Variants in SRP68 observed in about 807,000 individuals in gnomAD.
SRP68 encodes signal recognition particle 68.
In SRP68, 15 loss-of-function variants were observed where a neutral mutation model predicts 82.2. That is an observed-to-expected ratio of 0.18 (90% CI 0.12 to 0.28). The LOEUF (loss-of-function observed/expected upper bound fraction) is 0.28, where lower values mean the gene tolerates loss of function less well. Among genes scored for constraint, SRP68 ranks in the 10% least tolerant of loss-of-function variants. The probability of loss-of-function intolerance (pLI) is 1.00; values close to 1 mark genes in which losing one functional copy is unlikely to be tolerated. For missense variants in SRP68, 595 were observed against 780.5 expected, an observed-to-expected ratio of 0.76 and a Z score of 2.83; for synonymous variants, 261 against 292.6, an observed-to-expected ratio of 0.89 and a Z score of 1.10.
chr17:76,039,983 T>C lies in SRP68; in HGVS notation c.1657-50A>G, dbSNP rs746610531. 9 of 1,570,526 alleles carry C rather than the reference T, an allele frequency of 5.7e-6. No homozygotes were observed. In the South Asian group the frequency reaches 9.1e-5, roughly 16 times the overall value. On this transcript the variant is annotated intron_variant, in intron 15 of 15. Transcript: ENST00000307877. Reference sequence around the variant, plus strand: ...ATGTAGCATCGGTCACAGAACACCCTTGGTGAACATTCCTGAGTGCCGACT... The same window carrying C: ...ATGTAGCATCGGTCACAGAACACCCCTGGTGAACATTCCTGAGTGCCGACT...
At chr17:76,042,741 C>A (rs1176332693) in intron 13 of SRP68, among the ~76,000 whole-genome samples, 1 of 151,324 alleles carries the variant, frequency 6.6e-6, no homozygotes, top group Non-Finnish European at 1.5e-5. Context: ...TGCACCACCA[C>A]ACCTGGCTAT....
chr17:76,053,647 G>A, intron 8 of SRP68: 3 of 985,342 alleles, frequency 3.0e-6, no homozygotes, highest in Non-Finnish European at 3.6e-6. Context: ...AAGCAATGAA[G>A]GAAAAAGTCG....
intron 5 of SRP68, 44 bp downstream of exon 5, chr17:76,061,448 T>C (rs1169824233): frequency 3.3e-6 from 5 of 1,533,462 alleles, no homozygotes; most frequent in East Asian, 4.5e-5. Context: ...AATTTGACAA[T>C]CTGTAATTAA....
intron 14 of SRP68, 133 bp downstream of exon 14, chr17:76,040,770 T>G: frequency 3.5e-6 from 3 of 868,418 alleles, no homozygotes; most frequent in Non-Finnish European, 5.5e-6. Context: ...CTGGCACAAG[T>G]AAAGGCCAGG....
chr17:76,047,768 G>A (rs2066641994), intron 10 of SRP68, 138 bp downstream of exon 10: 2 of 310,644 alleles, frequency 6.4e-6, no homozygotes, highest in African/African-American at 2.5e-5. Flanking sequence ...CAGCCTGAGT[G>A]ACAGAGCTAG....
chr17:76,048,769 G>A (rs1167438368), intron 9 of SRP68: 1 of 152,278 alleles, frequency 6.6e-6, no homozygotes, highest in East Asian at 1.9e-4. Context: ...CATCAAGTTT[G>A]TGGTTAATAT....
At position 76,070,366 on chromosome 17, in the gene SRP68, T is replaced by A. The variant is rs2443168; in HGVS notation, c.251+12A>T. 0.42 allele frequency: 682,578 copies of A among 1,607,492 alleles called. 155,886 individuals carry two copies. Among genetic ancestry groups the A allele is most frequent in the African/African-American group, 0.87 (65,278 of 74,864 alleles). ...CACAATGATTTCCAAACATCTTGTA[T>A]GTGATACTAACCTGTACCTCTGAAA... On this transcript the variant is annotated intron_variant, in intron 2 of 15. Transcript: ENST00000307877.
At chr17:76,040,760 C>T (rs776049449) in intron 14 of SRP68, 143 bp downstream of exon 14, 1 of 790,750 alleles carries the variant, frequency 1.3e-6, no homozygotes, top group East Asian at 2.5e-5. Flanking sequence ...TGATGCCCAG[C>T]TGGCACAAGT....
rs1567927162 is a variant in SRP68, at chr17:76,046,081, G to T, written c.1256C>A (p.Pro419His). Reference sequence around the variant, plus strand: ...GAGTCGGATCAGGTCCTGGGGCCGGGGTGAGCGCTTGCTGTCATCCTCTGG... The same window carrying T: ...GAGTCGGATCAGGTCCTGGGGCCGGTGTGAGCGCTTGCTGTCATCCTCTGG... ...QQPEDDSKRS[P>H]RPQDLIRLYD... Residue 419 changes from proline (P) to histidine (H), a missense_variant, in exon 11 of 16, where the codon CCC becomes CAC. By Grantham distance (77) the Pro-to-His change is moderately conservative. Coordinates refer to ENST00000307877, the MANE Select transcript of SRP68 (RefSeq NM_014230.4). 6.2e-7 allele frequency: 1 copy of T among 1,613,954 alleles called. No individual in the cohort carries two copies. The highest frequency in any genetic ancestry group is 1.7e-4 in the Middle Eastern group (1 of 6,046).
chr17:76,066,484 A>G (rs937409961), intron 3 of SRP68, among the ~76,000 whole-genome samples: 2 of 151,834 alleles, frequency 1.3e-5, no homozygotes, highest in South Asian at 2.1e-4. Flanking sequence ...CAACCACTCA[A>G]TTTCATTAAG....
intron 8 of SRP68, among the ~76,000 whole-genome samples, chr17:76,056,301 GTTTC>G (rs1336805821): frequency 6.6e-6 from 1 of 152,122 alleles, no homozygotes; most frequent in Non-Finnish European, 1.5e-5. Flanking sequence ...GACAGAAGTA[GTTTC>G]TTTCTTCCAG....
intron 9 of SRP68, 61 bp from the exon 10 acceptor site, chr17:76,048,031 C>CA: frequency 1.7e-6 from 2 of 1,203,322 alleles, no homozygotes; most frequent in Non-Finnish European, 2.3e-6. Flanking sequence ...CTCTGACCAC[C>CA]TCATGGAATG....
chr17:76,042,098 A>C (rs2066595320), intron 13 of SRP68, among the ~76,000 whole-genome samples: 1 of 151,716 alleles, frequency 6.6e-6, no homozygotes, highest in Admixed American at 6.6e-5. Flanking sequence ...GTTGGCCAGG[A>C]TGGTCTCGAT....
chr17:76,054,144 T>C (rs1014458729), intron 8 of SRP68, among the ~76,000 whole-genome samples: 7 of 152,240 alleles, frequency 4.6e-5, no homozygotes, highest in Non-Finnish European at 7.3e-5. Context: ...CAGGATGGGC[T>C]TTTCTGCAGT....
chr17:76,060,881 G>A (rs568714620), intron 6 of SRP68: 19 of 498,038 alleles, frequency 3.8e-5, no homozygotes, highest in Admixed American at 2.6e-4. Context: ...ACTGCTCTTC[G>A]GGGGTACACA....
At position 76,070,274 on chromosome 17, in the gene SRP68, T is replaced by C. The variant is rs1015101216; in HGVS notation, c.251+104A>G. 64 of 830,536 alleles carry C rather than the reference T, an allele frequency of 7.7e-5. No individual in the cohort carries two copies. In the African/African-American group the frequency reaches 1.2e-3, roughly 15 times the overall value. 51.4% of individuals were successfully genotyped at this position (830,536 alleles called of 1,614,324 possible). A position where few individuals can be genotyped will look rare whatever the true frequency, so the allele number is the denominator to read the frequency against. ...CAAACAAACAAAAAAAACAATGCTC[T>C]AGACTTTCTAGCATATTTGCTGATA... On this transcript the variant is annotated intron_variant, in intron 2 of 15. Coordinates refer to ENST00000307877, the MANE Select transcript of SRP68 (RefSeq NM_014230.4).
chr17:76,043,582 G>T, intron 13 of SRP68: 1 of 269,160 alleles, frequency 3.7e-6, no homozygotes, highest in African/African-American at 2.2e-5. Flanking sequence ...TTCCTGTGGT[G>T]GTTTTTGTTT....
Position 76,039,871 on chromosome 17 carries a change from G to A in SRP68, c.1719C>T (p.Asn573=). Residue 573 remains asparagine, a synonymous_variant, in exon 16 of 16, where the codon AAC becomes AAT. Coordinates refer to ENST00000307877, the MANE Select transcript of SRP68 (RefSeq NM_014230.4). Reference sequence around the variant, plus strand: ...GGAAGCCTGGTGGGAAGTGCACAAGGTTGGCTTGCTTGGTGACAAGGGAAG... The same window carrying A: ...GGAAGCCTGGTGGGAAGTGCACAAGATTGGCTTGCTTGGTGACAAGGGAAG... ...LDPSLVTKQA[N]LVHFPPGFQP... 2 of 1,614,240 alleles carry A rather than the reference G, an allele frequency of 1.2e-6. No homozygotes were observed. Among genetic ancestry groups the A allele is most frequent in the Non-Finnish European group, 1.7e-6 (2 of 1,180,050 alleles).
At position 76,050,518 on chromosome 17, in the gene SRP68, G is replaced by A. The variant is rs148814451; in HGVS notation, c.987C>T (p.Ser329=). 705 of 1,612,712 alleles carry A rather than the reference G, an allele frequency of 4.4e-4. 1 individual carries two copies. The African/African-American group carries it at 7.9e-3, about 18-fold the overall frequency. ...CAAACAGGCGCTCCTTAGTTTCTTC[G>A]CTTTCAGCCTAAACAAGGGCAGATC... ...DNEAAIVQAE[S]EETKERLFES... is the part of the protein sequence containing the mutation. The change falls in exon 9 of 16, where the codon AGC becomes AGT. Residue 329 remains serine, a synonymous_variant. Transcript: ENST00000307877.
Sources: gnomAD v4.1 joint callset for allele counts (sites outside exome capture counted in the v4.1 genomes callset) on GRCh38, gnomAD v4.1.1 for gene constraint, MANE v1.5 for transcripts, NCBI Gene and HGNC (gene_info 2026-07-23, HGNC 2026-07-21) for gene names.